Variants in C17orf99 observed in about 807,000 individuals in gnomAD.
C17orf99 encodes chromosome 17 open reading frame 99.
C17orf99 carries 18 observed loss-of-function variants against 22.6 expected under a neutral mutation model. The observed-to-expected ratio is 0.80, with a 90% confidence interval of 0.55 to 1.18. C17orf99 has a LOEUF of 1.18. C17orf99 is among the 50% of genes most tolerant of loss of function. The probability of loss-of-function intolerance (pLI) is 0.00; values close to 1 mark genes in which losing one functional copy is unlikely to be tolerated. For synonymous variants in C17orf99, 147 were observed against 136.6 expected, an observed-to-expected ratio of 1.08 and a Z score of -0.53; for missense variants, 328 against 342.7, an observed-to-expected ratio of 0.96 and a Z score of 0.34.
chr17:78,154,873 AAGG>A (rs1361717889), intron 2 of C17orf99, among the ~76,000 whole-genome samples: 1 of 151,868 alleles, frequency 6.6e-6, no homozygotes, highest in Non-Finnish European at 1.5e-5. Flanking sequence ...TAAATATAAA[AAGG>A]AGAGTTATCA....
intron 2 of C17orf99, chr17:78,157,345 G>A: frequency 1.3e-6 from 1 of 791,654 alleles, no homozygotes; most frequent in African/African-American, 1.9e-5. Flanking sequence ...GGCGGCGGCG[G>A]CGGTGGGCTC....
chr17:78,154,379 T>C (rs908823476), intron 2 of C17orf99, among the ~76,000 whole-genome samples: 17 of 151,480 alleles, frequency 1.1e-4, no homozygotes, highest in Admixed American at 5.3e-4. Context: ...TAAAACCCCA[T>C]CTCTACCAAA....
chr17:78,160,193 T>C (rs998235811), intron 2 of C17orf99: 2 of 443,922 alleles, frequency 4.5e-6, no homozygotes, highest in African/African-American at 2.0e-5. Flanking sequence ...CTGGTTTCAC[T>C]TATTTATTTG....
rs2075616341 is a variant in C17orf99, at chr17:78,166,160, A to G, written c.*114A>G. 1 of 320,314 alleles carries G rather than the reference A, an allele frequency of 3.1e-6. No homozygotes were observed. The highest frequency in any genetic ancestry group is 2.1e-5 in the African/African-American group (1 of 46,782). 19.8% of individuals were successfully genotyped at this position (320,314 alleles called of 1,614,324 possible). On this transcript the variant is annotated 3_prime_UTR_variant, in exon 5 of 5. Coordinates refer to ENST00000340363, the MANE Select transcript of C17orf99 (RefSeq NM_001163075.2). ...TGTTTTAGCTGCTCTTGCCACAAAA[A>G]AAAAAAAAAAAAAAAAAGGGTAACT...
chr17:78,151,113 ACT>A (rs1433519490), intron 2 of C17orf99, among the ~76,000 whole-genome samples: 1 of 146,960 alleles, frequency 6.8e-6, no homozygotes, highest in East Asian at 2.0e-4. Flanking sequence ...ACAGAGTGAG[ACT>A]CTGTCTCACA....
In C17orf99 at chr17:78,146,874, T is replaced by TA. The variant is rs2075441356; in HGVS notation, c.38-4dup. On this transcript the variant is annotated splice_polypyrimidine_tract_variant and splice_region_variant and intron_variant, in intron 1 of 4. Coordinates refer to ENST00000340363, the MANE Select transcript of C17orf99 (RefSeq NM_001163075.2). This position sits in a 1 kb window ranked among gnomAD's most constrained non-coding sequence, Gnocchi z 5.2. ...CTCTCCTTATCGCCCTTACCTCTCT[T>TA]ACAGCTGCCAGCAGCTTCTCCAAGG... 14 of 1,551,362 alleles carry TA rather than the reference T, an allele frequency of 9.0e-6. No individual in the cohort carries two copies. The highest frequency in any genetic ancestry group is 1.1e-5 in the Non-Finnish European group (13 of 1,146,770).
At chr17:78,152,801 G>A (rs1048266292) in intron 2 of C17orf99, among the ~76,000 whole-genome samples, 35 of 152,060 alleles carry the variant, frequency 2.3e-4, no homozygotes, top group African/African-American at 8.2e-4. Flanking sequence ...TTAAATGATA[G>A]GCCAGGCGGG....
intron 2 of C17orf99, 118 bp downstream of exon 2, chr17:78,147,029 G>A: frequency 1.2e-6 from 1 of 866,094 alleles, no homozygotes; most frequent in South Asian, 1.5e-5. Context: ...GGTGTGTGCT[G>A]GAGGATGGCT....
In C17orf99 at chr17:78,164,508, G is replaced by A. The variant is rs866417832; in HGVS notation, c.640+144G>A. On this transcript the variant is annotated intron_variant, in intron 4 of 4. Transcript: ENST00000340363. ...CAGAGAGGGCACAGGAGGCAACCATGCCCACCCTGGCCCCTGCCTAAAGGA... is the reference window on the plus strand; with the variant it reads ...CAGAGAGGGCACAGGAGGCAACCATACCCACCCTGGCCCCTGCCTAAAGGA... 1.2e-5 allele frequency: 19 copies of A among 1,537,812 alleles called. No homozygotes were observed. The African/African-American group carries it at 1.8e-4, about 14-fold the overall frequency.
rs1326328973 is a variant in C17orf99 at position 78,161,268 on chromosome 17, G to C, written c.370+14G>C. 1 of 1,548,970 alleles carries C rather than the reference G, an allele frequency of 6.5e-7. No homozygotes were observed. On this transcript the variant is annotated intron_variant, in intron 3 of 4. Coordinates refer to ENST00000340363, the MANE Select transcript of C17orf99 (RefSeq NM_001163075.2). ...AGCTGTGGTCCAGTGAGTGCGGTGG[G>C]GGGCACAGGGCTGAGGAGGCAGGTG...
At chr17:78,146,317 C>A, upstream of C17orf99, 2 of 1,252,174 alleles carry the variant, frequency 1.6e-6, no homozygotes, top group Non-Finnish European at 2.2e-6. The surrounding 1 kb of genome is among the most constrained non-coding windows in gnomAD (Gnocchi z 5.2). Flanking sequence ...CAGGCACCCA[C>A]CCAGGGAGCA....
chr17:78,164,654 G>A (rs919147073), intron 4 of C17orf99: 33 of 1,462,344 alleles, frequency 2.3e-5, no homozygotes, highest in African/African-American at 1.3e-4. Flanking sequence ...GCTGGACCAC[G>A]TGGGCCAGGT....
chr17:78,164,115 G>A lies in C17orf99; in HGVS notation c.391G>A (p.Ala131Thr), dbSNP rs1411491032. The change falls in exon 4 of 5, where the codon GCC (alanine) becomes ACC (threonine). Residue 131 changes from alanine (A) to threonine (T), a missense_variant. Transcript: ENST00000340363. ...GCCAGAGCCAGTGTCTGAGCTGCGG[G>A]CCAACTTCACTCTGCAGGACAGAGG... Reference protein sequence around the residue: ...LWSKPVSELRANFTLQDRGAG... With the variant: ...LWSKPVSELRTNFTLQDRGAG... The A allele has an allele frequency of 1.3e-6, 2 of 1,551,582 alleles. No individual in the cohort carries two copies. Among genetic ancestry groups the A allele is most frequent in the Non-Finnish European group, 8.7e-7 (1 of 1,147,016 alleles).
intron 2 of C17orf99, among the ~76,000 whole-genome samples, chr17:78,150,717 C>A (rs544681089): frequency 6.6e-6 from 1 of 152,126 alleles, no homozygotes; most frequent in East Asian, 1.9e-4. Flanking sequence ...AAGGGGTAGA[C>A]AGGGCTCTGG....
intron 2 of C17orf99, among the ~76,000 whole-genome samples, chr17:78,149,993 G>A (rs2075468244): frequency 6.6e-6 from 1 of 151,138 alleles, no homozygotes; most frequent in Non-Finnish European, 1.5e-5. Context: ...ACAGGCGAGA[G>A]CCACCACGCC....
At chr17:78,161,373 T>C in intron 3 of C17orf99, 119 bp downstream of exon 3, 1 of 903,358 alleles carries the variant, frequency 1.1e-6, no homozygotes, top group South Asian at 1.7e-5. Context: ...TGTGAGGGTG[T>C]GGACAAGGAC....
At position 78,164,081 on chromosome 17, in the gene C17orf99, T is replaced by C; in HGVS notation, c.371-14T>C. ...GCTCAGCCATGCCTGTGCTACCTTC[T>C]CCCACCCTGCCAGAGCCAGTGTCTG... On this transcript the variant is annotated splice_polypyrimidine_tract_variant and intron_variant, in intron 3 of 4. Coordinates refer to ENST00000340363, the MANE Select transcript of C17orf99 (RefSeq NM_001163075.2). 1 of 1,550,720 alleles carries C rather than the reference T, an allele frequency of 6.4e-7. No homozygotes were observed. Among genetic ancestry groups the C allele is most frequent in the Middle Eastern group, 1.7e-4 (1 of 5,990 alleles).
chr17:78,150,710 G>C (rs1315106302), intron 2 of C17orf99, among the ~76,000 whole-genome samples: 1 of 152,162 alleles, frequency 6.6e-6, no homozygotes, highest in Admixed American at 6.5e-5. Flanking sequence ...ACACCTGAAG[G>C]GGTAGACAGG....
At chr17:78,158,793 TTTTG>T (rs2075549616) in intron 2 of C17orf99, 1 of 165,736 alleles carries the variant, frequency 6.0e-6, no homozygotes. Context: ...GTGGTTTAGT[TTTTG>T]TTTGTTTGTT....
Sources: gnomAD v4.1 joint callset for allele counts (sites outside exome capture counted in the v4.1 genomes callset) on GRCh38, gnomAD v4.1.1 for gene constraint, Gnocchi (gnomAD v3.1) non-coding constraint, MANE v1.5 for transcripts, NCBI Gene and HGNC (gene_info 2026-07-23, HGNC 2026-07-21) for gene names.